The following PARVA variants were observed in gnomAD, a reference collection of about 807,000 sequenced individuals.
The protein encoded by PARVA is parvin alpha.
In PARVA, 25 loss-of-function variants were observed where a neutral mutation model predicts 52.6. The ratio of observed to expected loss-of-function variants is 0.48; its 90% confidence interval spans 0.35 to 0.66. The LOEUF is 0.66. PARVA is among the 30% of genes least tolerant of loss of function. PARVA has a pLI of 0.01. For missense variants in PARVA, 373 were observed against 450.9 expected, an observed-to-expected ratio of 0.83 and a Z score of 1.56; for synonymous variants, 185 against 179.1, an observed-to-expected ratio of 1.03 and a Z score of -0.26.
At chr11:12,499,437 CTT>C (rs1300364591) in intron 5 of PARVA, among the ~76,000 whole-genome samples, 3 of 142,364 alleles carry the variant, frequency 2.1e-5, no homozygotes, top group Non-Finnish European at 3.1e-5. Flanking sequence ...GGATTTCTTC[CTT>C]TTTTTTTTTT....
chr11:12,527,436 C>T (rs945253287), intron 12 of PARVA, among the ~76,000 whole-genome samples: 7 of 152,310 alleles, frequency 4.6e-5, no homozygotes, highest in African/African-American at 7.2e-5. Flanking sequence ...TCCCCCATGA[C>T]GCCTATTTCC....
intron 1 of PARVA, among the ~76,000 whole-genome samples, chr11:12,462,704 T>C (rs547223901): frequency 6.6e-6 from 1 of 152,304 alleles, no homozygotes; most frequent in South Asian, 2.1e-4. Flanking sequence ...ATAGATGCAA[T>C]TCCAGAGAAA....
chr11:12,421,238 A>C (rs1434681912), intron 1 of PARVA, among the ~76,000 whole-genome samples: 1 of 152,100 alleles, frequency 6.6e-6, no homozygotes, highest in East Asian at 1.9e-4. Context: ...GAGGGATTAG[A>C]AATATCTCTG....
chr11:12,506,437 A>G (rs1941432116), intron 6 of PARVA, among the ~76,000 whole-genome samples: 1 of 152,178 alleles, frequency 6.6e-6, no homozygotes, highest in South Asian at 2.1e-4. Context: ...GACTTTTCTT[A>G]TCAGCTAGAA....
At chr11:12,482,444 G>T (rs997652031) in intron 4 of PARVA, among the ~76,000 whole-genome samples, 1 of 152,010 alleles carries the variant, frequency 6.6e-6, no homozygotes, top group Non-Finnish European at 1.5e-5. Flanking sequence ...GACCAACATG[G>T]TGAAACCCCC....
chr11:12,429,755 A>G (rs1004588000), intron 1 of PARVA, among the ~76,000 whole-genome samples: 3 of 152,132 alleles, frequency 2.0e-5, no homozygotes, highest in Admixed American at 6.5e-5. Context: ...TTTGTGAAAA[A>G]TCAGACCTTG....
Position 12,534,263 on chromosome 11 carries a change from A to G in PARVA, c.*6338A>G, listed in dbSNP as rs1060590. 0.26 allele frequency among the ~76,000 whole-genome samples: 38,915 copies of G among 152,122 alleles called. 5,231 individuals are homozygous for G. Among genetic ancestry groups the G allele is most frequent in the Non-Finnish European group, 0.31 (21,098 of 67,968 alleles). On this transcript the variant is annotated 3_prime_UTR_variant, in exon 13 of 13. Transcript: ENST00000334956. Reference sequence around the variant, plus strand: ...CAAGGGTCAATTGTATATTATTTTCACTGGAAGTTTTGAAATTCCAGAAAT... The same window carrying G: ...CAAGGGTCAATTGTATATTATTTTCGCTGGAAGTTTTGAAATTCCAGAAAT...
chr11:12,395,015 C>T lies in PARVA; in HGVS notation c.136+17232C>T, dbSNP rs138614618. Among the ~76,000 whole-genome samples, 524 of 150,248 alleles carry T rather than the reference C, an allele frequency of 3.5e-3. 1 individual carries two copies. The highest frequency in any genetic ancestry group is 0.012 in the African/African-American group (483 of 40,816). On this transcript the variant is annotated intron_variant, in intron 1 of 12. Transcript: ENST00000334956. ...TGGAGGCAGGAGAATCGCTTGAACC[C>T]GGGAGGTGGAGGTTGCAGTGAACCA...
intron 1 of PARVA, among the ~76,000 whole-genome samples, chr11:12,459,977 G>C (rs1379698700): frequency 6.6e-6 from 1 of 152,138 alleles, no homozygotes; most frequent in East Asian, 1.9e-4. Flanking sequence ...TCCATAGAAT[G>C]ACCAGGCAAC....
At chr11:12,483,401 G>A (rs867591139) in intron 4 of PARVA, among the ~76,000 whole-genome samples, 27 of 152,310 alleles carry the variant, frequency 1.8e-4, no homozygotes, top group African/African-American at 5.1e-4. Flanking sequence ...TGCCAAACAC[G>A]AGTATGTTAA....
chr11:12,505,629 C>A (rs184250528), intron 6 of PARVA, among the ~76,000 whole-genome samples: 1 of 152,116 alleles, frequency 6.6e-6, no homozygotes, highest in Admixed American at 6.5e-5. Context: ...GCTCAGATAC[C>A]GAGTGCCACT....
At chr11:12,492,901 C>T (rs1387246672) in intron 4 of PARVA, among the ~76,000 whole-genome samples, 1 of 151,900 alleles carries the variant, frequency 6.6e-6, no homozygotes, top group Non-Finnish European at 1.5e-5. Flanking sequence ...GGGTTATAAC[C>T]TGGCTGTATG....
intron 1 of PARVA, among the ~76,000 whole-genome samples, chr11:12,378,090 G>A (rs1283484754): frequency 6.6e-6 from 1 of 151,196 alleles, no homozygotes; most frequent in Non-Finnish European, 1.5e-5. Context: ...TTGGCGGCCG[G>A]AGGCGGCGGG....
At chr11:12,471,255 A>G (rs914224267) in intron 1 of PARVA, among the ~76,000 whole-genome samples, 3 of 152,204 alleles carry the variant, frequency 2.0e-5, no homozygotes, top group Non-Finnish European at 4.4e-5. Context: ...ACCTAAGAGG[A>G]GACATTGAAT....
intron 1 of PARVA, among the ~76,000 whole-genome samples, chr11:12,410,234 G>C (rs946538127): frequency 2.0e-5 from 3 of 152,238 alleles, no homozygotes; most frequent in Non-Finnish European, 4.4e-5. Context: ...GGTTTGCCTT[G>C]TGCTGGCCTG....
At chr11:12,381,080 C>T (rs543074794) in intron 1 of PARVA, among the ~76,000 whole-genome samples, 19 of 152,330 alleles carry the variant, frequency 1.2e-4, no homozygotes, top group Middle Eastern at 3.4e-3. Flanking sequence ...AGCCACCACC[C>T]AGCTCCAGCT....
At chr11:12,382,817 G>A (rs1273872063) in intron 1 of PARVA, among the ~76,000 whole-genome samples, 1 of 152,194 alleles carries the variant, frequency 6.6e-6, no homozygotes, top group Non-Finnish European at 1.5e-5. Flanking sequence ...TCTATAAAAT[G>A]AGAATAAGAA....
At chr11:12,526,305 C>A (rs1941700495) in intron 12 of PARVA, among the ~76,000 whole-genome samples, 1 of 152,118 alleles carries the variant, frequency 6.6e-6, no homozygotes, top group South Asian at 2.1e-4. Context: ...TTGAAGGATC[C>A]CTGTGGGTAT....
intron 1 of PARVA, among the ~76,000 whole-genome samples, chr11:12,450,822 G>A (rs1388189637): frequency 2.6e-5 from 4 of 152,150 alleles, no homozygotes; most frequent in African/African-American, 9.7e-5. Context: ...GAAAGATGAA[G>A]GCCGGAAGAC....
Sources: gnomAD v4.1 joint callset for allele counts (sites outside exome capture counted in the v4.1 genomes callset) on GRCh38, gnomAD v4.1.1 for gene constraint, MANE v1.5 for transcripts, NCBI Gene and HGNC (gene_info 2026-07-23, HGNC 2026-07-21) for gene names.